Variants in NRXN3 observed in about 807,000 individuals in gnomAD.
The protein encoded by NRXN3 is neurexin III.
In NRXN3, 32 loss-of-function variants were observed where a neutral mutation model predicts 137.6. The ratio of observed to expected loss-of-function variants is 0.23; its 90% CI spans 0.18 to 0.31. NRXN3 has a LOEUF of 0.31. Ranked by LOEUF, NRXN3 falls within the 10% of genes least tolerant of loss-of-function variation. The pLI, the probability that NRXN3 is intolerant of heterozygous loss-of-function variation, is 1.00. For synonymous variants in NRXN3, 798 were observed against 784.5 expected (o/e 1.02, Z -0.29); for missense variants, 1,574 against 2,062.5 (o/e 0.76, Z 4.59).
intron 16 of NRXN3, among the ~76,000 whole-genome samples, chr14:79,552,257 A>C (rs566704175): frequency 7.1e-4 from 108 of 152,314 alleles, no homozygotes; most frequent in Non-Finnish European, 1.2e-3. Context: ...TTGACAGAAA[A>C]TGTTTAATGT....
At position 78,503,491 on chromosome 14, in the gene NRXN3, G is replaced by A. The variant is rs547465322; in HGVS notation, c.758-141629G>A. The stretch of plus-strand genomic sequence containing the variant: ...GGAATCTAGGTTGTCAGCTGGGATC[G>A]TGATCTTCAGAACAGACCAGTGTGG... On this transcript the variant is annotated intron_variant, in intron 4 of 20. Transcript: ENST00000335750. Among the ~76,000 whole-genome samples the A allele has an allele frequency of 4.2e-4, 64 of 152,240 alleles. No individual in the cohort carries two copies. In the Middle Eastern group the frequency reaches 0.02, roughly 49 times the overall value.
intron 15 of NRXN3, among the ~76,000 whole-genome samples, chr14:79,077,860 G>C (rs1309867691): frequency 1.3e-5 from 2 of 152,098 alleles, no homozygotes; most frequent in Non-Finnish European, 2.9e-5. Context: ...GTCAGGGAGA[G>C]TATAGCCCTA....
intron 4 of NRXN3, among the ~76,000 whole-genome samples, chr14:78,474,562 G>A (rs1353673788): frequency 6.6e-6 from 1 of 151,952 alleles, no homozygotes; most frequent in East Asian, 1.9e-4. Flanking sequence ...CATTTGCTTA[G>A]CATCTCTCCA....
intron 15 of NRXN3, among the ~76,000 whole-genome samples, chr14:79,070,969 C>T (rs533965342): frequency 1.3e-5 from 2 of 152,264 alleles, no homozygotes; most frequent in African/African-American, 4.8e-5. Context: ...TAAGGCTATG[C>T]ATAGCAATTT....
At chr14:79,600,390 T>A (rs907532995) in intron 16 of NRXN3, among the ~76,000 whole-genome samples, 4 of 152,192 alleles carry the variant, frequency 2.6e-5, no homozygotes, top group African/African-American at 7.2e-5. Flanking sequence ...AAAGCCCACA[T>A]GTATACTTCA....
At chr14:78,259,945 G>A (rs921291733) in intron 2 of NRXN3, among the ~76,000 whole-genome samples, 1 of 152,204 alleles carries the variant, frequency 6.6e-6, no homozygotes. Context: ...AGAGACTGAG[G>A]TGTTAGGGGC....
rs533799887 is a variant in NRXN3, at chr14:79,384,994, TG to T, written c.3263-82226del. On this transcript the variant is annotated intron_variant, in intron 15 of 20. Coordinates refer to ENST00000335750, the MANE Select transcript of NRXN3 (RefSeq NM_001330195.2). Reference sequence around the variant, plus strand: ...TTTTTTCTAGAAATTGCTCTACCTCTGTTTCTCAACTGAGATATTATAGTTT... The same window carrying T: ...TTTTTTCTAGAAATTGCTCTACCTCTTTTCTCAACTGAGATATTATAGTTT... Among the ~76,000 whole-genome samples the T allele has an allele frequency of 9.7e-4, 147 of 152,316 alleles. 1 individual carries two copies. Among genetic ancestry groups the T allele is most frequent in the African/African-American group, 3.5e-3 (144 of 41,584 alleles).
intron 10 of NRXN3, among the ~76,000 whole-genome samples, chr14:78,884,858 C>A (rs963041088): frequency 3.3e-5 from 5 of 151,972 alleles, no homozygotes; most frequent in Non-Finnish European, 7.4e-5. Flanking sequence ...TTTCTCATTT[C>A]TACTAAAAGG....
chr14:79,443,401 T>C (rs2096001947), intron 15 of NRXN3, among the ~76,000 whole-genome samples: 1 of 152,206 alleles, frequency 6.6e-6, no homozygotes, highest in African/African-American at 2.4e-5. Context: ...TCTAAATAAG[T>C]ATTTATTGAA....
intron 10 of NRXN3, among the ~76,000 whole-genome samples, chr14:78,913,100 C>T (rs2099243856): frequency 6.6e-6 from 1 of 152,020 alleles, no homozygotes; most frequent in Non-Finnish European, 1.5e-5. Flanking sequence ...ACTAATTATA[C>T]AGTTACAATC....
intron 4 of NRXN3, among the ~76,000 whole-genome samples, chr14:78,500,887 C>T (rs750049430): frequency 6.6e-6 from 1 of 152,162 alleles, no homozygotes; most frequent in Non-Finnish European, 1.5e-5. Flanking sequence ...TCCCAGCCTT[C>T]AAAAACTTAT....
At chr14:79,457,576 C>T (rs2096273794) in intron 15 of NRXN3, among the ~76,000 whole-genome samples, 2 of 152,118 alleles carry the variant, frequency 1.3e-5, no homozygotes, top group Admixed American at 1.3e-4. Context: ...AGGTATGTGT[C>T]TCATAGAATC....
intron 4 of NRXN3, among the ~76,000 whole-genome samples, chr14:78,635,383 A>G (rs1053917939): frequency 2.0e-5 from 3 of 152,130 alleles, no homozygotes; most frequent in Non-Finnish European, 2.9e-5. Context: ...CTTCTATATT[A>G]TTTTCTAAAC....
intron 8 of NRXN3, among the ~76,000 whole-genome samples, chr14:78,751,899 A>G (rs552906855): frequency 8.2e-4 from 125 of 152,330 alleles, no homozygotes; most frequent in African/African-American, 3.0e-3. Context: ...TGATTCATGT[A>G]CACGGCAAAG....
intron 16 of NRXN3, among the ~76,000 whole-genome samples, chr14:79,472,228 T>G (rs576122573): frequency 6.6e-6 from 1 of 152,332 alleles, no homozygotes; most frequent in South Asian, 2.1e-4. Context: ...TTGCTCAGAT[T>G]GTCTTTCATT....
intron 15 of NRXN3, among the ~76,000 whole-genome samples, chr14:79,307,921 G>C (rs2086393605): frequency 6.6e-6 from 1 of 151,998 alleles, no homozygotes; most frequent in Admixed American, 6.6e-5. Flanking sequence ...TATTACAGTT[G>C]TGGAAACTAA....
At chr14:78,561,011 C>A (rs2096781304) in intron 4 of NRXN3, among the ~76,000 whole-genome samples, 2 of 152,324 alleles carry the variant, frequency 1.3e-5, no homozygotes, top group Middle Eastern at 3.4e-3. Context: ...TAATACATTA[C>A]TTCCCAAATT....
chr14:79,569,500 C>G (rs1046732448), intron 16 of NRXN3, among the ~76,000 whole-genome samples: 3 of 151,928 alleles, frequency 2.0e-5, no homozygotes, highest in Non-Finnish European at 4.4e-5. Flanking sequence ...TAAGTTTTGA[C>G]TTAAGTTTAG....
chr14:78,439,824 C>T (rs963804993), intron 4 of NRXN3, among the ~76,000 whole-genome samples: 4 of 152,144 alleles, frequency 2.6e-5, no homozygotes, highest in South Asian at 2.1e-4. Flanking sequence ...TCCCAGGAAG[C>T]GAACACCCAC....
Sources: allele counts gnomAD v4.1 joint callset (sites outside exome capture counted in the v4.1 genomes callset), GRCh38; gene constraint gnomAD v4.1.1; transcripts MANE v1.5; gene names NCBI Gene and HGNC (gene_info 2026-07-23, HGNC 2026-07-21).